KHDRBS2: variants seen among roughly 807,000 people sequenced by gnomAD.
The protein encoded by KHDRBS2 is KH domain-containing, RNA-binding, signal transduction-associated protein 2.
In KHDRBS2, 26 loss-of-function variants were observed where a neutral mutation model predicts 44.3. The observed-to-expected ratio is 0.59, with a 90% confidence interval of 0.43 to 0.81. KHDRBS2 has a LOEUF of 0.81. Ranked by LOEUF, KHDRBS2 falls within the 40% of genes least tolerant of loss-of-function variation. The pLI is 0.00. For missense variants in KHDRBS2, 476 were observed against 433.1 expected (o/e 1.10, Z -0.88); for synonymous variants, 194 against 151.1 (o/e 1.28, Z -2.08).
At chr6:62,156,516 G>A (rs1816418160) in intron 2 of KHDRBS2, among the ~76,000 whole-genome samples, 1 of 152,082 alleles carries the variant, frequency 6.6e-6, no homozygotes, top group African/African-American at 2.4e-5. Flanking sequence ...TTTTAAGACT[G>A]TACAATGGGG....
At chr6:61,825,997 T>A (rs1251916273) in intron 6 of KHDRBS2, among the ~76,000 whole-genome samples, 3 of 152,318 alleles carry the variant, frequency 2.0e-5, no homozygotes, top group African/African-American at 7.2e-5. Context: ...GGATGATTTC[T>A]CTGTCTTGGA....
At chr6:62,214,457 A>C (rs1829640239) in intron 1 of KHDRBS2, among the ~76,000 whole-genome samples, 1 of 152,028 alleles carries the variant, frequency 6.6e-6, no homozygotes, top group African/African-American at 2.4e-5. Flanking sequence ...TTATACACCC[A>C]TTTAAAAGTT....
chr6:61,945,764 C>T (rs1324714558), intron 4 of KHDRBS2, among the ~76,000 whole-genome samples: 5 of 150,842 alleles, frequency 3.3e-5, no homozygotes, highest in Non-Finnish European at 5.9e-5. Context: ...CAAGCAAAAA[C>T]CCATGAAAAA....
chr6:61,851,918 T>A (rs543955759), intron 6 of KHDRBS2, among the ~76,000 whole-genome samples: 1 of 152,206 alleles, frequency 6.6e-6, no homozygotes, highest in African/African-American at 2.4e-5. Context: ...GTGCATATTC[T>A]GAATTAAACG....
At chr6:61,686,377 C>T (rs1766816716) in intron 8 of KHDRBS2, among the ~76,000 whole-genome samples, 1 of 151,780 alleles carries the variant, frequency 6.6e-6, no homozygotes, top group Admixed American at 6.6e-5. Context: ...TCAGTTTGTT[C>T]ATCTCAGCTA....
At chr6:61,607,346 G>A in the KHDRBS2 span, among the ~76,000 whole-genome samples, 1 of 150,204 alleles carries the variant, frequency 6.7e-6, no homozygotes, top group African/African-American at 2.4e-5. Context: ...ACACAGAAGA[G>A]GGGAGCAAAA....
At chr6:61,858,416 A>G (rs1311774584) in intron 6 of KHDRBS2, among the ~76,000 whole-genome samples, 1 of 151,770 alleles carries the variant, frequency 6.6e-6, no homozygotes, top group Non-Finnish European at 1.5e-5. Context: ...TTATTTCTCA[A>G]TATTAGTTTT....
At chr6:61,797,328 T>G (rs1166800425) in intron 6 of KHDRBS2, among the ~76,000 whole-genome samples, 1 of 152,122 alleles carries the variant, frequency 6.6e-6, no homozygotes, top group African/African-American at 2.4e-5. Flanking sequence ...CTTATTTCAA[T>G]TAATTTTCAT....
intron 6 of KHDRBS2, among the ~76,000 whole-genome samples, chr6:61,821,775 G>A (rs181429551): frequency 1.4e-5 from 2 of 147,362 alleles, no homozygotes; most frequent in Admixed American, 6.8e-5. Flanking sequence ...TTTAGTGGGT[G>A]TCACATTGTT....
intron 3 of KHDRBS2, among the ~76,000 whole-genome samples, chr6:62,041,225 G>A (rs989587261): frequency 5.3e-5 from 8 of 152,030 alleles, no homozygotes; most frequent in Non-Finnish European, 8.8e-5. Context: ...CAGCTACTTG[G>A]AAGTCTGAGG....
At chr6:62,156,357 G>T (rs1315603651) in intron 2 of KHDRBS2, among the ~76,000 whole-genome samples, 1 of 152,076 alleles carries the variant, frequency 6.6e-6, no homozygotes. Context: ...AATTTTTGAA[G>T]ACTACATTAA....
the KHDRBS2 span, among the ~76,000 whole-genome samples, chr6:61,586,779 G>A: frequency 6.6e-6 from 1 of 152,112 alleles, no homozygotes; most frequent in Non-Finnish European, 1.5e-5. Context: ...GCAGGAATGA[G>A]GGAGACGGAG....
At chr6:61,867,176 A>G (rs181439150) in intron 6 of KHDRBS2, among the ~76,000 whole-genome samples, 1 of 152,320 alleles carries the variant, frequency 6.6e-6, no homozygotes, top group African/African-American at 2.4e-5. Flanking sequence ...GGTTTAATGG[A>G]TTCACACTTC....
chr6:61,917,712 T>C (rs911055805), intron 4 of KHDRBS2, among the ~76,000 whole-genome samples: 19 of 152,048 alleles, frequency 1.2e-4, no homozygotes, highest in African/African-American at 2.9e-4. Context: ...AGGTTGTTGA[T>C]GGTAGGGAAG....
At chr6:61,597,604 A>C in the KHDRBS2 span, among the ~76,000 whole-genome samples, 1 of 150,856 alleles carries the variant, frequency 6.6e-6, no homozygotes, top group Non-Finnish European at 1.5e-5. Flanking sequence ...TCAGTGATTA[A>C]AGGAAACTGG....
the KHDRBS2 span, among the ~76,000 whole-genome samples, chr6:61,662,664 G>A: frequency 4.6e-5 from 7 of 152,072 alleles, no homozygotes; most frequent in South Asian, 1.5e-3. Context: ...CATCATCACT[G>A]GCCATCAGAG....
chr6:62,248,292 A>T (rs572282162), intron 1 of KHDRBS2, among the ~76,000 whole-genome samples: 184 of 146,036 alleles, frequency 1.3e-3, no homozygotes, highest in South Asian at 6.4e-4. Flanking sequence ...TGGTATTTTA[A>T]AAAAAAAAAA....
intron 2 of KHDRBS2, among the ~76,000 whole-genome samples, chr6:62,052,504 T>G (rs1359591868): frequency 6.6e-6 from 1 of 150,492 alleles, no homozygotes; most frequent in South Asian, 2.1e-4. Flanking sequence ...GTAGGAGATA[T>G]GTAGGATGAA....
At chr6:61,770,988 T>C (rs1235590846) in intron 6 of KHDRBS2, among the ~76,000 whole-genome samples, 1 of 152,204 alleles carries the variant, frequency 6.6e-6, no homozygotes, top group East Asian at 1.9e-4. Context: ...AGCGGATCTC[T>C]TGGCAGAAAC....
Sources: allele counts gnomAD v4.1 joint callset (sites outside exome capture counted in the v4.1 genomes callset), GRCh38; gene constraint gnomAD v4.1.1; transcripts MANE v1.5; gene names NCBI Gene and HGNC (gene_info 2026-07-23, HGNC 2026-07-21).